The following PASD1 variants were observed in gnomAD, a reference collection of about 807,000 sequenced individuals.
PASD1 encodes PAS domain containing repressor 1, also known as circadian clock protein PASD1.
PASD1 carries 13 observed loss-of-function variants against 58.8 expected under a neutral mutation model. That is an observed-to-expected ratio of 0.22 (90% CI 0.14 to 0.35). The LOEUF (loss-of-function observed/expected upper bound fraction) is 0.35, where lower values mean the gene tolerates loss of function less well. Ranked by LOEUF, PASD1 falls within the 10% of genes least tolerant of loss-of-function variation. The probability of loss-of-function intolerance (pLI) is 1.00; values close to 1 mark genes in which losing one functional copy is unlikely to be tolerated. For synonymous variants in PASD1, 236 were observed against 216.7 expected (o/e 1.09, Z -0.78); for missense variants, 734 against 568.3 (o/e 1.29, Z -2.96).
intron 8 of PASD1, among the ~76,000 whole-genome samples, chrX:151,635,883 CT>C (rs2013924598): frequency 1.8e-5 from 2 of 110,939 alleles, no homozygotes; most frequent in Non-Finnish European, 3.8e-5. Context: ...AGTGTTTTCA[CT>C]ACAAAAATGA....
At position 151,620,985 on chromosome X, in the gene PASD1, A is replaced by C; in HGVS notation, c.263A>C (p.Glu88Ala). 3.3e-6 allele frequency: 4 copies of C among 1,207,364 alleles called. No homozygotes were observed. The highest frequency in any genetic ancestry group is 3.5e-5 in the South Asian group (2 of 56,402). ...LSLLPDEEKD[E>A]VYQKIILKFP... ...CTTCTGCCTGATGAAGAGAAAGATGAAGTCTACCAAAAGATTATTCTCAAA... is the reference window on the plus strand; with the variant it reads ...CTTCTGCCTGATGAAGAGAAAGATGCAGTCTACCAAAAGATTATTCTCAAA... The change falls in exon 5 of 16, where the codon GAA (glutamate) becomes GCA (alanine). Residue 88 changes from glutamate (E) to alanine (A), a missense_variant. Transcript: ENST00000370357.
At chrX:151,656,574 A>C in intron 9 of PASD1, among the ~76,000 whole-genome samples, 1 of 111,322 alleles carries the variant, frequency 9.0e-6, no homozygotes, top group East Asian at 2.8e-4. Context: ...GGTCCTTCAC[A>C]TCCCTTGTAA....
intron 1 of PASD1, among the ~76,000 whole-genome samples, chrX:151,593,353 G>A (rs994109670): frequency 9.1e-6 from 1 of 109,580 alleles, no homozygotes; most frequent in South Asian, 4.0e-4. Context: ...CCATCAACTC[G>A]TCATTTACAT....
chrX:151,673,863 C>T (rs1187844351), intron 14 of PASD1, 65 bp from the exon 15 acceptor site: 24 of 1,166,172 alleles, frequency 2.1e-5, no homozygotes, highest in South Asian at 1.9e-4. Flanking sequence ...CTGATGACCA[C>T]GTGAGTGTCT....
At chrX:151,660,178 T>A (rs971339288) in intron 10 of PASD1, among the ~76,000 whole-genome samples, 2 of 112,030 alleles carry the variant, frequency 1.8e-5, no homozygotes, top group Admixed American at 1.9e-4. Flanking sequence ...CCTCTTGTTA[T>A]TGAGTTTTCA....
chrX:151,671,628 C>T lies in PASD1; in HGVS notation c.1286C>T (p.Ala429Val). Residue 429 changes from alanine (A) to valine (V), a missense_variant, in exon 13 of 16, where the codon GCA becomes GTA. Ala to Val is a moderately conservative substitution (Grantham distance 64, BLOSUM62 0). Coordinates refer to ENST00000370357, the MANE Select transcript of PASD1 (RefSeq NM_173493.3). ...ATTCCTGATCTCCAATCTTCGGAGGCAGTGCCCAAGAAACAACAGAAACAA... is the reference window on the plus strand; with the variant it reads ...ATTCCTGATCTCCAATCTTCGGAGGTAGTGCCCAAGAAACAACAGAAACAA... ...VVIPDLQSSE[A>V]VPKKQQKQHA... 2 of 1,211,752 alleles carry T rather than the reference C, an allele frequency of 1.7e-6. No individual in the cohort carries two copies. Among genetic ancestry groups the T allele is most frequent in the Non-Finnish European group, 2.2e-6 (2 of 895,478 alleles).
intron 1 of PASD1, among the ~76,000 whole-genome samples, chrX:151,596,772 T>TA (rs1031983381): frequency 8.9e-6 from 1 of 112,165 alleles, no homozygotes; most frequent in Non-Finnish European, 1.9e-5. Flanking sequence ...TTCCTGAAGC[T>TA]AAAAAATTCC....
At chrX:151,604,244 G>T (rs1032778374) in intron 2 of PASD1, among the ~76,000 whole-genome samples, 1 of 111,827 alleles carries the variant, frequency 8.9e-6, no homozygotes, top group African/African-American at 3.2e-5. Context: ...CTAAAGAGTG[G>T]AATTTCATAA....
intron 8 of PASD1, among the ~76,000 whole-genome samples, chrX:151,637,961 A>G (rs1469771311): frequency 1.8e-5 from 2 of 111,389 alleles, no homozygotes; most frequent in African/African-American, 6.5e-5. Flanking sequence ...TCTCATATTC[A>G]TTGCCTTTAA....
chrX:151,604,604 T>G lies in PASD1; in HGVS notation c.29-42T>G, dbSNP rs756641177. On this transcript the variant is annotated intron_variant, in intron 2 of 15. Transcript: ENST00000370357. ...ATCTAATACCCATAGCTAATCATTT[T>G]AATGTGACACTGTTCTGTACTTTCT... The G allele has an allele frequency of 9.1e-6, 9 of 992,309 alleles. No homozygotes were observed. In the East Asian group the frequency reaches 2.5e-4, roughly 27 times the overall value. The allele number at this position is 992,309 out of a possible 1,213,427, so 81.8% of individuals were successfully genotyped here.
intron 9 of PASD1, among the ~76,000 whole-genome samples, chrX:151,653,069 A>G (rs1408224498): frequency 1.8e-5 from 2 of 110,598 alleles, no homozygotes; most frequent in African/African-American, 6.6e-5. Flanking sequence ...GAGTCCAGTT[A>G]GGAGGCTATC....
intron 1 of PASD1, among the ~76,000 whole-genome samples, chrX:151,577,094 T>C (rs938615851): frequency 9.0e-6 from 1 of 111,199 alleles, no homozygotes; most frequent in Non-Finnish European, 1.9e-5. Flanking sequence ...TACGGGAGGC[T>C]TAGGTGGGAG....
chrX:151,596,260 C>T (rs982466028), intron 1 of PASD1, among the ~76,000 whole-genome samples: 8 of 111,862 alleles, frequency 7.2e-5, no homozygotes, highest in Middle Eastern at 4.2e-3. Context: ...AGGGATTTTG[C>T]GCTACATCAC....
intron 1 of PASD1, among the ~76,000 whole-genome samples, chrX:151,564,302 G>T (rs757326729): frequency 8.9e-6 from 1 of 112,293 alleles, no homozygotes; most frequent in East Asian, 2.8e-4. Flanking sequence ...TGGGGTGGGC[G>T]CGTATATCGA....
intron 2 of PASD1, among the ~76,000 whole-genome samples, chrX:151,602,742 C>T (rs1569403523): frequency 9.1e-6 from 1 of 110,470 alleles, no homozygotes; most frequent in African/African-American, 3.3e-5. Context: ...ATTAAAAGCA[C>T]TTCATGTTTT....
At chrX:151,610,814 C>T (rs1036999279) in intron 3 of PASD1, among the ~76,000 whole-genome samples, 2 of 111,607 alleles carry the variant, frequency 1.8e-5, no homozygotes, top group African/African-American at 6.5e-5. Flanking sequence ...TGCTTAGTAC[C>T]TCCTAAAGTT....
chrX:151,635,708 A>G (rs1164891306), intron 8 of PASD1, among the ~76,000 whole-genome samples: 1 of 112,330 alleles, frequency 8.9e-6, no homozygotes, highest in African/African-American at 3.2e-5. Flanking sequence ...AGTAAAATTT[A>G]CATGTAGTAA....
intron 11 of PASD1, among the ~76,000 whole-genome samples, chrX:151,669,348 C>G (rs2014433740): frequency 9.1e-6 from 1 of 109,513 alleles, no homozygotes; most frequent in African/African-American, 3.3e-5. Context: ...GTGTAATGAT[C>G]AAGTCAGGGT....
At chrX:151,653,751 CTTCTTTCTTTCTTTCTTTCT>C (rs1246137820) in intron 9 of PASD1, among the ~76,000 whole-genome samples, 1 of 16,955 alleles carries the variant, frequency 5.9e-5, no homozygotes, top group African/African-American at 1.4e-4. Flanking sequence ...TCTTTCCTTC[CTTCTTTCTTTCTTTCTTTCT>C]TTCTTTCTTT....
Sources: allele counts gnomAD v4.1 joint callset (sites outside exome capture counted in the v4.1 genomes callset), GRCh38; gene constraint gnomAD v4.1.1; transcripts MANE v1.5; gene names NCBI Gene and HGNC (gene_info 2026-07-23, HGNC 2026-07-21).